Variants in TCF7L2 observed in about 807,000 individuals in gnomAD.
TCF7L2 encodes transcription factor 7 like 2, also known as transcription factor 7-like 2.
Under a neutral mutation model 77.9 loss-of-function variants are expected in TCF7L2, and 23 were observed. The observed-to-expected ratio is 0.30, with a 90% CI of 0.21 to 0.42. The LOEUF (loss-of-function observed/expected upper bound fraction) is 0.42. TCF7L2 is among the 10% of genes least tolerant of loss of function. TCF7L2 has a pLI of 1.00. For synonymous variants in TCF7L2, 413 were observed against 340.2 expected (o/e 1.21, Z -2.36); for missense variants, 654 against 793.1 (o/e 0.82, Z 2.11).
intron 4 of TCF7L2, among the ~76,000 whole-genome samples, chr10:112,980,010 C>G (rs1037629848): frequency 3.3e-5 from 5 of 152,146 alleles, no homozygotes; most frequent in African/African-American, 9.7e-5. Context: ...TTGGAAGAAA[C>G]ATATCAGGAT....
At chr10:112,951,117 C>CA (rs1452820684) in intron 1 of TCF7L2, 90 bp from the exon 2 acceptor site, 1 of 1,306,104 alleles carries the variant, frequency 7.7e-7, no homozygotes, top group African/African-American at 1.5e-5. Flanking sequence ...TCTACCCCCC[C>CA]CTCGACCTCG....
At chr10:112,967,921 C>A (rs2134759095) in intron 4 of TCF7L2, among the ~76,000 whole-genome samples, 1 of 152,308 alleles carries the variant, frequency 6.6e-6, no homozygotes, top group Admixed American at 6.5e-5. Context: ...AGGCGTGAGC[C>A]ACCGCTCCTG....
intron 4 of TCF7L2, among the ~76,000 whole-genome samples, chr10:113,011,650 T>C (rs1453481231): frequency 6.7e-6 from 1 of 148,284 alleles, no homozygotes; most frequent in East Asian, 1.9e-4. Context: ...TATTACTACC[T>C]TGAGTGTTGC....
chr10:113,159,031 A>G lies in TCF7L2; in HGVS notation c.1318+962A>G, dbSNP rs146103020. On this transcript the variant is annotated intron_variant, in intron 12 of 13. Coordinates refer to ENST00000627217, the MANE Select transcript of TCF7L2 (RefSeq NM_001146274.2). ...TCTTTAAAAGAGACTGGTTAAAAAA[A>G]AAAATGGAAGGAATTCAGTAATAAA... is the stretch of plus-strand genomic sequence containing the variant. 2.0e-3 allele frequency among the ~76,000 whole-genome samples: 299 copies of G among 152,278 alleles called. 1 individual carries two copies. Among genetic ancestry groups the G allele is most frequent in the African/African-American group, 7.0e-3 (289 of 41,578 alleles).
Position 113,044,587 on chromosome 10 carries a change from G to T in TCF7L2, c.552+4461G>T, listed in dbSNP as rs146259135. 8.9e-3 allele frequency among the ~76,000 whole-genome samples: 1,353 copies of T among 152,320 alleles called. 17 individuals are homozygous for T. Among genetic ancestry groups the T allele is most frequent in the African/African-American group, 0.031 (1,286 of 41,566 alleles). ...GTGCCAGGTGCCCTCAAAGAGTAGG[G>T]GGCCCATGAGGGTATGACCAGGGGG... On this transcript the variant is annotated intron_variant, in intron 5 of 13. Transcript: ENST00000627217.
At chr10:113,106,211 G>A (rs1047230543) in intron 5 of TCF7L2, among the ~76,000 whole-genome samples, 5 of 152,158 alleles carry the variant, frequency 3.3e-5, no homozygotes, top group African/African-American at 1.2e-4. Context: ...TGTAGAATCT[G>A]TTACAGAATC....
At chr10:112,967,924 C>T (rs754535881) in intron 4 of TCF7L2, among the ~76,000 whole-genome samples, 90 of 152,204 alleles carry the variant, frequency 5.9e-4, no homozygotes, top group African/African-American at 6.5e-4. Context: ...CGTGAGCCAC[C>T]GCTCCTGGCC....
intron 3 of TCF7L2, among the ~76,000 whole-genome samples, chr10:112,961,254 A>ACCGGC (rs1349844083): frequency 1.7e-5 from 1 of 60,482 alleles, no homozygotes; most frequent in African/African-American, 1.5e-4. Flanking sequence ...ACCTCAGGTG[A>ACCGGC]CCCCCCCCCC....
At chr10:113,103,109 C>T (rs1261143303) in intron 5 of TCF7L2, among the ~76,000 whole-genome samples, 1 of 151,726 alleles carries the variant, frequency 6.6e-6, no homozygotes, top group Non-Finnish European at 1.5e-5. Context: ...ATAATTTGTC[C>T]TTGGTTCCAC....
chr10:113,152,495 A>G (rs1010932094), intron 11 of TCF7L2, 55 bp downstream of exon 11: 13 of 1,463,182 alleles, frequency 8.9e-6, no homozygotes, highest in East Asian at 4.5e-5. Flanking sequence ...TTGTGCGTCT[A>G]TACGGACAAA....
intron 4 of TCF7L2, among the ~76,000 whole-genome samples, chr10:113,021,589 C>G (rs147115970): frequency 4.0e-4 from 61 of 152,298 alleles, no homozygotes; most frequent in African/African-American, 1.5e-3. Context: ...AAGTAGTTAC[C>G]TCCCATTTTA....
At chr10:112,978,041 T>C (rs2039762468) in intron 4 of TCF7L2, among the ~76,000 whole-genome samples, 1 of 152,172 alleles carries the variant, frequency 6.6e-6, no homozygotes, top group Non-Finnish European at 1.5e-5. Flanking sequence ...CTAAGCCTTG[T>C]AACAGGAGGC....
intron 5 of TCF7L2, 22 bp downstream of exon 5, chr10:113,040,148 A>G: frequency 1.2e-6 from 2 of 1,604,482 alleles, no homozygotes; most frequent in Non-Finnish European, 1.7e-6. Context: ...CCCAGAGATG[A>G]TGGCTTCCTT....
chr10:113,157,955 G>A (rs2072312996), intron 11 of TCF7L2, 66 bp from the exon 12 acceptor site: 2 of 1,510,972 alleles, frequency 1.3e-6, no homozygotes, highest in Admixed American at 3.9e-5. Flanking sequence ...CCTTCCAGGT[G>A]CGCCCAGACA....
At chr10:113,069,980 G>A (rs1475204203) in intron 5 of TCF7L2, among the ~76,000 whole-genome samples, 3 of 152,000 alleles carry the variant, frequency 2.0e-5, no homozygotes, top group African/African-American at 7.3e-5. Flanking sequence ...TTATTGGGCC[G>A]GGCATGGTGG....
At chr10:113,143,536 C>T (rs531893876) in intron 6 of TCF7L2, among the ~76,000 whole-genome samples, 35 of 152,284 alleles carry the variant, frequency 2.3e-4, no homozygotes, top group African/African-American at 7.9e-4. Context: ...CATGAAACTC[C>T]GCAGGGTGAA....
chr10:113,162,256 A>C (rs2073276862), intron 13 of TCF7L2, among the ~76,000 whole-genome samples: 1 of 152,166 alleles, frequency 6.6e-6, no homozygotes, highest in African/African-American at 2.4e-5. Context: ...TACAACTGAC[A>C]CTATTGTGTG....
At chr10:113,129,656 T>A in intron 5 of TCF7L2, 1 of 1,187,684 alleles carries the variant, frequency 8.4e-7, no homozygotes, top group Non-Finnish European at 1.1e-6. Context: ...ATTTTGAGCC[T>A]ACTCGGCCAG....
At chr10:112,989,109 C>T (rs558296061) in intron 4 of TCF7L2, among the ~76,000 whole-genome samples, 4 of 152,194 alleles carry the variant, frequency 2.6e-5, no homozygotes, top group South Asian at 2.1e-4. Flanking sequence ...AGAATGCTAA[C>T]GTGAACCCTC....
Sources: allele counts gnomAD v4.1 joint callset (sites outside exome capture counted in the v4.1 genomes callset), GRCh38; gene constraint gnomAD v4.1.1; transcripts MANE v1.5; gene names NCBI Gene and HGNC (gene_info 2026-07-23, HGNC 2026-07-21).